The following CADPS variants were observed in gnomAD, a reference collection of about 807,000 sequenced individuals.
The protein encoded by CADPS is calcium-dependent secretion activator 1.
Under a neutral mutation model 167.3 loss-of-function variants are expected in CADPS, and 57 were observed. The ratio of observed to expected loss-of-function variants is 0.34; its 90% CI spans 0.28 to 0.42. The LOEUF is 0.42. Among genes scored for constraint, CADPS ranks in the 20% least tolerant of loss-of-function variants. CADPS has a pLI of 1.00. For synonymous variants in CADPS, 676 were observed against 635.3 expected (o/e 1.06, Z -0.96); for missense variants, 1,414 against 1,738.1 (o/e 0.81, Z 3.32).
At chr3:62,811,681 CT>C (rs1180805340) in intron 1 of CADPS, among the ~76,000 whole-genome samples, 2 of 152,178 alleles carry the variant, frequency 1.3e-5, no homozygotes, top group Non-Finnish European at 2.9e-5. Context: ...GGCATCAATG[CT>C]GTAATTGGTA....
chr3:62,819,456 A>C (rs989014970), intron 1 of CADPS, among the ~76,000 whole-genome samples: 1 of 146,954 alleles, frequency 6.8e-6, no homozygotes, highest in Non-Finnish European at 1.5e-5. Context: ...ATTACAGTAA[A>C]GGGTGGATTC....
intron 10 of CADPS, among the ~76,000 whole-genome samples, chr3:62,552,234 G>T (rs1577649326): frequency 8.2e-6 from 1 of 121,782 alleles, no homozygotes; most frequent in South Asian, 3.5e-4. Context: ...GTTGTGGGGT[G>T]GGGGGAGGGG....
chr3:62,782,268 T>C (rs1405545522), intron 1 of CADPS, among the ~76,000 whole-genome samples: 1 of 152,156 alleles, frequency 6.6e-6, no homozygotes, highest in Non-Finnish European at 1.5e-5. Context: ...CTGTTCAAAT[T>C]TCAGAAGGCC....
intron 3 of CADPS, among the ~76,000 whole-genome samples, chr3:62,694,498 A>T (rs1437359827): frequency 6.6e-6 from 1 of 152,030 alleles, no homozygotes; most frequent in Non-Finnish European, 1.5e-5. Flanking sequence ...GTAGCCAGTT[A>T]CCTGGGGGAA....
chr3:62,529,861 T>A (rs1429419027), intron 13 of CADPS, among the ~76,000 whole-genome samples: 1 of 152,122 alleles, frequency 6.6e-6, no homozygotes, highest in Non-Finnish European at 1.5e-5. Context: ...AGGATCAGAG[T>A]CATCAGTTCT....
At chr3:62,855,091 ATTT>A (rs554197608) in intron 1 of CADPS, among the ~76,000 whole-genome samples, 14 of 92,712 alleles carry the variant, frequency 1.5e-4, no homozygotes, top group Non-Finnish European at 2.0e-4. Flanking sequence ...TGCCCGGCTA[ATTT>A]TTTTTTTTTT....
Position 62,536,499 on chromosome 3 carries a change from C to T in CADPS, c.2049G>A (p.Glu683=), listed in dbSNP as rs371505343. 2.4e-5 allele frequency: 39 copies of T among 1,613,290 alleles called. No homozygotes were observed. Among genetic ancestry groups the T allele is most frequent in the Non-Finnish European group, 3.1e-5 (37 of 1,179,474 alleles). ...PCNFDHASLF[E]MVQRLTLDHR... ...GATCCAAAGTAAGGCGTTGTACCAT[C>T]TCAAAGAGGGAAGCGTGGTCAAAGT... The change falls in exon 12 of 30, where the codon GAG becomes GAA. Residue 683 remains glutamate, a synonymous_variant. Coordinates refer to ENST00000383710, the MANE Select transcript of CADPS (RefSeq NM_003716.4).
intron 20 of CADPS, among the ~76,000 whole-genome samples, chr3:62,491,991 A>G (rs141786464): frequency 7.2e-5 from 11 of 152,342 alleles, no homozygotes; most frequent in African/African-American, 2.6e-4. Flanking sequence ...AAAATTGCAA[A>G]ATATGAAGAG....
chr3:62,606,968 G>C (rs1050844742), intron 6 of CADPS, among the ~76,000 whole-genome samples: 2 of 152,216 alleles, frequency 1.3e-5, no homozygotes, highest in African/African-American at 4.8e-5. Flanking sequence ...CTGATTTTCA[G>C]ATGACAAATG....
At chr3:62,715,393 T>TCTAC (rs1237007324) in intron 3 of CADPS, among the ~76,000 whole-genome samples, 1 of 135,008 alleles carries the variant, frequency 7.4e-6, no homozygotes, top group East Asian at 2.2e-4. Flanking sequence ...TATCTATCTA[T>TCTAC]CTATCTGTAT....
rs1274996333 is a variant in CADPS at position 62,507,412 on chromosome 3, C to CT, written c.2599+5338dup. ...ATTGCTTGTTTCATGTCTCTGTTTT[C>CT]TTTTTTTTTTTGGTAAGCTCAACAA... is the stretch of plus-strand genomic sequence containing the variant. On this transcript the variant is annotated intron_variant, in intron 17 of 29. Coordinates refer to ENST00000383710, the MANE Select transcript of CADPS (RefSeq NM_003716.4). Among the ~76,000 whole-genome samples the CT allele has an allele frequency of 4.0e-3, 580 of 145,630 alleles. 6 individuals are homozygous for CT. Among genetic ancestry groups the CT allele is most frequent in the African/African-American group, 0.011 (456 of 39,930 alleles).
chr3:62,510,498 A>G (rs2067580697), intron 17 of CADPS, among the ~76,000 whole-genome samples: 1 of 152,152 alleles, frequency 6.6e-6, no homozygotes, highest in Non-Finnish European at 1.5e-5. Context: ...AATAGAATTC[A>G]TTTGCAGGAG....
At chr3:62,775,918 T>C (rs969544545) in intron 1 of CADPS, among the ~76,000 whole-genome samples, 1 of 152,144 alleles carries the variant, frequency 6.6e-6, no homozygotes, top group African/African-American at 2.4e-5. Context: ...AAGCAGGAAG[T>C]ACATGGCCAT....
Position 62,753,630 on chromosome 3 carries a change from C to T in CADPS, c.699G>A (p.Val233=), listed in dbSNP as rs2083209776. The T allele has an allele frequency of 6.2e-7, 1 of 1,614,066 alleles. No homozygotes were observed. The highest frequency in any genetic ancestry group is 1.1e-5 in the South Asian group (1 of 91,084). ...PEIDGLSKET[V]LSSWMAKFDA... ...CAAATTTGGCCATCCAGGAGCTCAG[C>T]ACAGTCTCCTTGCTGAGGCCGTCAA... The change falls in exon 3 of 30, where the codon GTG becomes GTA. Residue 233 remains valine (V), a synonymous_variant. Transcript: ENST00000383710. This position sits in a 1 kb window ranked among gnomAD's most constrained non-coding sequence, Gnocchi z 4.6.
At chr3:62,662,080 A>T (rs1168104033) in intron 4 of CADPS, among the ~76,000 whole-genome samples, 2 of 152,184 alleles carry the variant, frequency 1.3e-5, no homozygotes, top group Non-Finnish European at 1.5e-5. Flanking sequence ...GGAACTCAGA[A>T]GGAATGTTGG....
chr3:62,436,258 AC>A (rs2055019953), intron 28 of CADPS, among the ~76,000 whole-genome samples: 1 of 152,186 alleles, frequency 6.6e-6, no homozygotes, highest in African/African-American at 2.4e-5. Context: ...CAAATTCAGT[AC>A]TAGATTTAAG....
At chr3:62,493,986 A>T (rs9840701) in intron 18 of CADPS, among the ~76,000 whole-genome samples, 21,209 of 152,248 alleles carry the variant, frequency 0.14, 1,786 homozygotes, top group Admixed American at 0.22. Flanking sequence ...TATAGATAAG[A>T]TGACTTATAA....
Position 62,779,643 on chromosome 3 carries a change from G to A in CADPS, c.442-13659C>T, listed in dbSNP as rs962967351. 10 of 530,664 alleles carry A rather than the reference G, an allele frequency of 1.9e-5. No individual in the cohort carries two copies. In the African/African-American group the frequency reaches 1.9e-4, roughly 10 times the overall value. 32.9% of individuals were successfully genotyped at this position (530,664 alleles called of 1,614,324 possible). On this transcript the variant is annotated intron_variant, in intron 1 of 29. Transcript: ENST00000383710. ...GAGCTGCATGCATTTTAAAGGCATA[G>A]GCTGTCTCCTTACCTGAGTGCAAGG...
At chr3:62,754,022 A>G (rs1389129961) in intron 2 of CADPS, among the ~76,000 whole-genome samples, 1 of 152,158 alleles carries the variant, frequency 6.6e-6, no homozygotes, top group Admixed American at 6.5e-5. Flanking sequence ...GGATTAAATG[A>G]GATGATACTA....
Sources: gnomAD v4.1 joint callset for allele counts (sites outside exome capture counted in the v4.1 genomes callset) on GRCh38, gnomAD v4.1.1 for gene constraint, Gnocchi (gnomAD v3.1) non-coding constraint, MANE v1.5 for transcripts, NCBI Gene and HGNC (gene_info 2026-07-23, HGNC 2026-07-21) for gene names.